CSGALNACT1: variants seen among roughly 807,000 people sequenced by gnomAD.
The protein encoded by CSGALNACT1 is chondroitin sulfate N-acetylgalactosaminyltransferase 1.
Under a neutral mutation model 51.0 loss-of-function variants are expected in CSGALNACT1, and 52 were observed. The observed-to-expected ratio is 1.02, with a 90% CI of 0.82 to 1.29. CSGALNACT1 has a LOEUF of 1.29. Ranked by LOEUF, CSGALNACT1 falls within the 50% of genes most tolerant of loss-of-function variation. The pLI is 0.00. For missense variants in CSGALNACT1, 935 were observed against 679.2 expected, an observed-to-expected ratio of 1.38 and a Z score of -4.19; for synonymous variants, 341 against 254.4, an observed-to-expected ratio of 1.34 and a Z score of -3.24.
At chr8:19,443,364 T>G (rs138745496) in intron 5 of CSGALNACT1, among the ~76,000 whole-genome samples, 1 of 152,356 alleles carries the variant, frequency 6.6e-6, no homozygotes, top group East Asian at 1.9e-4. Context: ...ATATATTATG[T>G]ACACATGTGT....
intron 1 of CSGALNACT1, among the ~76,000 whole-genome samples, chr8:19,651,916 T>TTA (rs1159417280): frequency 1.1e-5 from 1 of 93,002 alleles, no homozygotes; most frequent in Non-Finnish European, 2.3e-5. Context: ...TCGCTGTCTG[T>TTA]TTTTTTTTGT....
At chr8:19,455,270 A>G (rs148362152) in intron 5 of CSGALNACT1, among the ~76,000 whole-genome samples, 263 of 152,380 alleles carry the variant, frequency 1.7e-3, no homozygotes, top group African/African-American at 6.0e-3. Flanking sequence ...TAAACAAAAT[A>G]TAAAACATAT....
intron 3 of CSGALNACT1, among the ~76,000 whole-genome samples, chr8:19,518,078 G>C (rs1327291923): frequency 5.9e-5 from 9 of 152,190 alleles, no homozygotes; most frequent in African/African-American, 2.2e-4. Flanking sequence ...AGAAATGCAT[G>C]CTGTTAATTA....
intron 1 of CSGALNACT1, among the ~76,000 whole-genome samples, chr8:19,627,852 A>C (rs2054647736): frequency 1.3e-5 from 2 of 152,174 alleles, no homozygotes; most frequent in Non-Finnish European, 2.9e-5. Context: ...CAGGATGAAA[A>C]AACTAGTGAA....
At chr8:19,550,323 A>G (rs376000547) in intron 3 of CSGALNACT1, among the ~76,000 whole-genome samples, 109 of 152,156 alleles carry the variant, frequency 7.2e-4, no homozygotes, top group African/African-American at 2.5e-3. Flanking sequence ...GGACTTCTTA[A>G]AGTGAGCCTC....
Position 19,429,100 on chromosome 8 carries a change from C to G in CSGALNACT1, c.954-8582G>C, listed in dbSNP as rs568974865. Among the ~76,000 whole-genome samples the G allele has an allele frequency of 2.6e-3, 394 of 152,242 alleles. 1 individual carries two copies. Among genetic ancestry groups the G allele is most frequent in the African/African-American group, 9.1e-3 (377 of 41,548 alleles). On this transcript the variant is annotated intron_variant, in intron 6 of 9. Coordinates refer to ENST00000454498, the Ensembl canonical transcript of CSGALNACT1. ...TCCCCAGCCCCTGGCAACTCTTAAT[C>G]TACTTTCTGTCTTCATGGATTTATG...
intron 1 of CSGALNACT1, among the ~76,000 whole-genome samples, chr8:19,736,126 T>C (rs1398353118): frequency 2.0e-5 from 3 of 152,202 alleles, no homozygotes; most frequent in African/African-American, 7.2e-5. Context: ...CCATCTCTTC[T>C]TGTCTTTTGT....
intron 1 of CSGALNACT1, among the ~76,000 whole-genome samples, chr8:19,661,457 C>G (rs977365956): frequency 3.3e-5 from 5 of 152,224 alleles, no homozygotes; most frequent in African/African-American, 1.2e-4. Context: ...AAACTGTCTT[C>G]AATCTAAGGA....
intron 3 of CSGALNACT1, among the ~76,000 whole-genome samples, chr8:19,581,230 T>A (rs2045496618): frequency 6.6e-6 from 1 of 152,082 alleles, no homozygotes; most frequent in Non-Finnish European, 1.5e-5. Flanking sequence ...AAATATAAAA[T>A]CTTAAAAGCA....
upstream of CSGALNACT1, chr8:19,682,589 TCAC>T (rs2060702529): frequency 2.2e-6 from 1 of 453,624 alleles, no homozygotes; most frequent in Admixed American, 2.4e-5. Flanking sequence ...AGGAGAGCAC[TCAC>T]TGATGTACAC....
At chr8:19,582,928 C>T (rs75449500) in intron 3 of CSGALNACT1, among the ~76,000 whole-genome samples, 3,680 of 152,202 alleles carry the variant, frequency 0.024, 141 homozygotes, top group African/African-American at 0.083. Flanking sequence ...TTCAACAAGT[C>T]CCATTTTGAA....
intron 3 of CSGALNACT1, among the ~76,000 whole-genome samples, chr8:19,509,792 G>A (rs1205802635): frequency 6.6e-6 from 1 of 152,114 alleles, no homozygotes; most frequent in African/African-American, 2.4e-5. Flanking sequence ...AAATTTATAT[G>A]TTCACAGACT....
intron 5 of CSGALNACT1, among the ~76,000 whole-genome samples, chr8:19,448,278 G>T (rs2062488467): frequency 6.6e-6 from 1 of 152,216 alleles, no homozygotes; most frequent in African/African-American, 2.4e-5. Flanking sequence ...AACACTTACT[G>T]GGCACCTTTG....
intron 1 of CSGALNACT1, among the ~76,000 whole-genome samples, chr8:19,666,943 A>AAAG (rs2059317042): frequency 7.6e-5 from 6 of 79,394 alleles, no homozygotes; most frequent in Admixed American, 1.4e-4. Context: ...GAGAGAGAGA[A>AAAG]AAAGAAAGAA....
intron 3 of CSGALNACT1, among the ~76,000 whole-genome samples, chr8:19,572,039 G>C (rs1370574929): frequency 6.6e-6 from 1 of 152,166 alleles, no homozygotes; most frequent in East Asian, 1.9e-4. Flanking sequence ...TCAATGGATA[G>C]AAAACATCAG....
intron 4 of CSGALNACT1, among the ~76,000 whole-genome samples, chr8:19,469,005 A>G (rs944021824): frequency 2.0e-5 from 3 of 152,152 alleles, no homozygotes; most frequent in Admixed American, 1.3e-4. Context: ...AGAGGGGCAG[A>G]AGACAGCAGC....
At chr8:19,534,826 C>A (rs75793008) in intron 3 of CSGALNACT1, among the ~76,000 whole-genome samples, 3 of 152,146 alleles carry the variant, frequency 2.0e-5, no homozygotes, top group Non-Finnish European at 2.9e-5. Flanking sequence ...TTGCATTTGG[C>A]AATCTTTTTT....
intron 3 of CSGALNACT1, among the ~76,000 whole-genome samples, chr8:19,590,502 A>G (rs760647890): frequency 1.3e-5 from 2 of 152,196 alleles, no homozygotes; most frequent in Non-Finnish European, 2.9e-5. Context: ...CGCAGTGCTC[A>G]AGAGATGCAC....
At chr8:19,603,354 C>A (rs555233403), upstream of CSGALNACT1, among the ~76,000 whole-genome samples, 1 of 152,298 alleles carries the variant, frequency 6.6e-6, no homozygotes, top group South Asian at 2.1e-4. Flanking sequence ...CCCACTCTCA[C>A]CCCAGTTCAC....
Sources: gnomAD v4.1 joint callset for allele counts (sites outside exome capture counted in the v4.1 genomes callset) on GRCh38, gnomAD v4.1.1 for gene constraint, MANE v1.5 for transcripts, NCBI Gene and HGNC (gene_info 2026-07-23, HGNC 2026-07-21) for gene names.